TMEM132D: variants seen among roughly 807,000 people sequenced by gnomAD.
TMEM132D encodes the protein mature OL transmembrane protein.
In TMEM132D, 21 loss-of-function variants were observed where a neutral mutation model predicts 62.3. The ratio of observed to expected loss-of-function variants is 0.34; its 90% CI spans 0.24 to 0.49. TMEM132D has a LOEUF of 0.49. Among genes scored for constraint, TMEM132D ranks in the 20% least tolerant of loss-of-function variants. The pLI, the probability that TMEM132D is intolerant of heterozygous loss-of-function variation, is 0.99. For missense variants in TMEM132D, 1,346 were observed against 1,402.8 expected, an observed-to-expected ratio of 0.96 and a Z score of 0.65; for synonymous variants, 621 against 575.6, an observed-to-expected ratio of 1.08 and a Z score of -1.13.
At chr12:129,311,939 A>G (rs10847829) in intron 4 of TMEM132D, among the ~76,000 whole-genome samples, 34,222 of 152,120 alleles carry the variant, frequency 0.22, 4,963 homozygotes, top group East Asian at 0.41. Flanking sequence ...CTTGGGCCTC[A>G]GTAAGCACTT....
At chr12:129,359,537 T>G (rs1476889818) in intron 3 of TMEM132D, among the ~76,000 whole-genome samples, 1 of 152,212 alleles carries the variant, frequency 6.6e-6, no homozygotes, top group Non-Finnish European at 1.5e-5. Flanking sequence ...GATTTTATAT[T>G]TTTGAACTTA....
intron 3 of TMEM132D, among the ~76,000 whole-genome samples, chr12:129,339,245 T>C (rs1460006341): frequency 7.1e-6 from 1 of 140,024 alleles, no homozygotes; most frequent in Non-Finnish European, 1.5e-5. Context: ...CCAGCCTGGG[T>C]GATGAAATGA....
intron 1 of TMEM132D, among the ~76,000 whole-genome samples, chr12:129,893,578 T>C (rs1308580247): frequency 6.6e-6 from 1 of 152,180 alleles, no homozygotes; most frequent in Non-Finnish European, 1.5e-5. Flanking sequence ...ATGGAGTTTC[T>C]TCAATATTAC....
chr12:129,719,037 G>GACC (rs1399898667), intron 1 of TMEM132D, among the ~76,000 whole-genome samples: 1 of 146,832 alleles, frequency 6.8e-6, no homozygotes, highest in Non-Finnish European at 1.5e-5. Flanking sequence ...AGGAGTTTGA[G>GACC]ACCAGCCTGG....
At chr12:129,229,762 G>A (rs1222356965) in intron 4 of TMEM132D, among the ~76,000 whole-genome samples, 2 of 152,148 alleles carry the variant, frequency 1.3e-5, no homozygotes, top group Non-Finnish European at 2.9e-5. Flanking sequence ...TAGAGGCACC[G>A]AAAGTGCTTA....
At chr12:129,589,040 T>C (rs922667865) in intron 2 of TMEM132D, among the ~76,000 whole-genome samples, 6 of 152,052 alleles carry the variant, frequency 3.9e-5, no homozygotes, top group Non-Finnish European at 7.4e-5. Flanking sequence ...TTCCTTTTTT[T>C]AAACAAGTAG....
intron 2 of TMEM132D, among the ~76,000 whole-genome samples, chr12:129,642,367 G>T (rs1593101788): frequency 6.6e-6 from 1 of 152,210 alleles, no homozygotes; most frequent in Non-Finnish European, 1.5e-5. Flanking sequence ...GCCTGGTCTG[G>T]GTCCAGCATG....
Position 129,249,702 on chromosome 12 carries a change from G to C in TMEM132D, c.1300-40039C>G, listed in dbSNP as rs929673559. Among the ~76,000 whole-genome samples, 3 of 152,174 alleles carry C rather than the reference G, an allele frequency of 2.0e-5. No homozygotes were observed. The East Asian group carries it at 5.8e-4, about 29-fold the overall frequency. On this transcript the variant is annotated intron_variant, in intron 4 of 8. Coordinates refer to ENST00000422113, the MANE Select transcript of TMEM132D (RefSeq NM_133448.3). ...GTCAGGAGTCTCAGTTACAATAACA[G>C]ATATTTACTTCGGCCGATGGAGACA...
chr12:129,324,621 G>T (rs1269800668), intron 4 of TMEM132D, among the ~76,000 whole-genome samples: 2 of 152,132 alleles, frequency 1.3e-5, no homozygotes. Flanking sequence ...ACGAGGTCAG[G>T]AATTCAAGAC....
intron 1 of TMEM132D, among the ~76,000 whole-genome samples, chr12:129,902,552 T>C (rs1875394387): frequency 1.3e-5 from 2 of 152,186 alleles, no homozygotes; most frequent in Non-Finnish European, 2.9e-5. Context: ...ATTGAGGAAT[T>C]CCTGCCTTGA....
chr12:129,295,633 C>T (rs762128236), intron 4 of TMEM132D, among the ~76,000 whole-genome samples: 1 of 151,904 alleles, frequency 6.6e-6, no homozygotes, highest in Non-Finnish European at 1.5e-5. Flanking sequence ...TAGTTTTGTA[C>T]ACACACTCAC....
chr12:129,592,303 G>A (rs1878209502), intron 2 of TMEM132D, among the ~76,000 whole-genome samples: 1 of 152,120 alleles, frequency 6.6e-6, no homozygotes, highest in African/African-American at 2.4e-5. Context: ...CTTTCTAGAT[G>A]GACCGAGATG....
intron 5 of TMEM132D, among the ~76,000 whole-genome samples, chr12:129,151,545 T>C (rs1036524284): frequency 8.1e-4 from 124 of 152,290 alleles, no homozygotes; most frequent in African/African-American, 2.9e-3. Context: ...AGGGGTGACA[T>C]GCGGCTGAAA....
In TMEM132D at chr12:129,312,561, G is replaced by T. The variant is rs564299180; in HGVS notation, c.1299+25073C>A. 1.5e-3 allele frequency among the ~76,000 whole-genome samples: 234 copies of T among 152,120 alleles called. 1 individual carries two copies. The highest frequency in any genetic ancestry group is 0.01 in the Middle Eastern group (3 of 294). On this transcript the variant is annotated intron_variant, in intron 4 of 8. Transcript: ENST00000422113. ...AGAATTTTTTAGAATAGTTTTTTTTGTTTGTTTGTTTTGTTTTTTGTTTTT... is the reference window on the plus strand; with the variant it reads ...AGAATTTTTTAGAATAGTTTTTTTTTTTTGTTTGTTTTGTTTTTTGTTTTT...
intron 5 of TMEM132D, among the ~76,000 whole-genome samples, chr12:129,116,558 C>T (rs1279170516): frequency 6.6e-6 from 1 of 151,630 alleles, no homozygotes; most frequent in African/African-American, 2.4e-5. Flanking sequence ...ATAAGATAAC[C>T]CAATTAAACA....
At chr12:129,782,213 A>G (rs1871138896) in intron 1 of TMEM132D, among the ~76,000 whole-genome samples, 3 of 152,206 alleles carry the variant, frequency 2.0e-5, no homozygotes, top group Admixed American at 2.0e-4. Flanking sequence ...AAAATCTGAA[A>G]GCCTCCAGTG....
At chr12:129,572,753 G>C (rs1877553912) in intron 2 of TMEM132D, among the ~76,000 whole-genome samples, 1 of 151,978 alleles carries the variant, frequency 6.6e-6, no homozygotes, top group African/African-American at 2.4e-5. Flanking sequence ...CCGGCCCAGA[G>C]GGTCTGTTTG....
chr12:129,527,363 C>CA (rs772506773), intron 3 of TMEM132D, among the ~76,000 whole-genome samples: 1 of 151,988 alleles, frequency 6.6e-6, no homozygotes, highest in African/African-American at 2.4e-5. Flanking sequence ...ACGTTATTTA[C>CA]AAAAAATGTA....
chr12:129,847,166 T>A (rs12821921), intron 1 of TMEM132D, among the ~76,000 whole-genome samples: 3 of 152,144 alleles, frequency 2.0e-5, no homozygotes, highest in African/African-American at 7.2e-5. Flanking sequence ...GGTTCACTTG[T>A]GTTCCTGGCT....
Sources: allele counts gnomAD v4.1 joint callset (sites outside exome capture counted in the v4.1 genomes callset), GRCh38; gene constraint gnomAD v4.1.1; transcripts MANE v1.5; gene names NCBI Gene and HGNC (gene_info 2026-07-23, HGNC 2026-07-21).